SCUBE2: variants seen among roughly 807,000 people sequenced by gnomAD.
SCUBE2 encodes signal peptide, CUB domain and EGF like domain containing 2.
Under a neutral mutation model 125.9 loss-of-function variants are expected in SCUBE2, and 114 were observed. That is an observed-to-expected ratio of 0.91 (90% confidence interval 0.78 to 1.06). SCUBE2 has a LOEUF of 1.06. Among genes scored for constraint, SCUBE2 ranks in the 50% least tolerant of loss-of-function variants. The pLI is 0.00. For synonymous variants in SCUBE2, 459 were observed against 492.9 expected (o/e 0.93, Z 0.91); for missense variants, 1,255 against 1,301.8 (o/e 0.96, Z 0.55).
At chr11:9,048,956 T>C (rs1432088512) in intron 14 of SCUBE2, among the ~76,000 whole-genome samples, 1 of 152,218 alleles carries the variant, frequency 6.6e-6, no homozygotes, top group African/African-American at 2.4e-5. Flanking sequence ...TCTACATTTT[T>C]CCCCTAAAGA....
At chr11:9,079,811 T>G (rs1316953464) in intron 2 of SCUBE2, among the ~76,000 whole-genome samples, 1 of 152,162 alleles carries the variant, frequency 6.6e-6, no homozygotes, top group South Asian at 2.1e-4. Flanking sequence ...GTGAACTGAT[T>G]TGGAGTAATT....
In SCUBE2 at chr11:9,091,062, C is replaced by T. The variant is rs1032095631; in HGVS notation, c.133+334G>A. On this transcript the variant is annotated intron_variant, in intron 1 of 22. Coordinates refer to ENST00000649792, the MANE Select transcript of SCUBE2 (RefSeq NM_001367977.2). This position sits in a 1 kb window ranked among gnomAD's most constrained non-coding sequence, Gnocchi z 8.5. The stretch of plus-strand genomic sequence containing the variant: ...GCCCGGCCCTCAGTTTCCCCGCCTA[C>T]GCTGAGGCGCGGGACCCCAAGGCCA... 1.3e-5 allele frequency among the ~76,000 whole-genome samples: 2 copies of T among 152,294 alleles called. No homozygotes were observed. The highest frequency in any genetic ancestry group is 6.5e-5 in the Admixed American group (1 of 15,308).
Position 9,023,135 on chromosome 11 carries a change from C to T in SCUBE2, c.2855-1180G>A, listed in dbSNP as rs72856029. On this transcript the variant is annotated intron_variant, in intron 21 of 22. Transcript: ENST00000649792. ...AGGCATCATTCAAATTAAGCATATG[C>T]AAAGCACAATCTTTTCCAAATTCCA... Among the ~76,000 whole-genome samples the T allele has an allele frequency of 8.1e-3, 1,233 of 152,238 alleles. 7 individuals carry two copies. Among genetic ancestry groups the T allele is most frequent in the African/African-American group, 0.028 (1,175 of 41,530 alleles).
Position 9,043,463 on chromosome 11 carries a change from A to ATT in SCUBE2, c.2002+3891_2002+3892dup, listed in dbSNP as rs151177606. Among the ~76,000 whole-genome samples the ATT allele has an allele frequency of 5.7e-3, 832 of 146,910 alleles. 6 individuals are homozygous for ATT. The highest frequency in any genetic ancestry group is 9.8e-3 in the Admixed American group (144 of 14,646). On this transcript the variant is annotated intron_variant, in intron 16 of 22. Coordinates refer to ENST00000649792, the MANE Select transcript of SCUBE2 (RefSeq NM_001367977.2). ...AATTTGTTCCTTGGACCCTATAATC[A>ATT]TTTTTTTTTTTTGCCATCTTGTTAA...
At chr11:9,032,397 G>GT (rs1264629031) in intron 17 of SCUBE2, among the ~76,000 whole-genome samples, 1 of 152,074 alleles carries the variant, frequency 6.6e-6, no homozygotes, top group Non-Finnish European at 1.5e-5. Flanking sequence ...AAGTGCTAGG[G>GT]TTACAGGTAT....
At chr11:9,087,351 A>T (rs978438379) in intron 2 of SCUBE2, among the ~76,000 whole-genome samples, 14 of 152,212 alleles carry the variant, frequency 9.2e-5, no homozygotes, top group African/African-American at 3.1e-4. Context: ...TGAGTTATCC[A>T]CATAGTAAAG....
At chr11:9,039,895 C>T (rs1857058109) in intron 16 of SCUBE2, among the ~76,000 whole-genome samples, 1 of 152,312 alleles carries the variant, frequency 6.6e-6, no homozygotes, top group Admixed American at 6.5e-5. Flanking sequence ...CCTATATGAT[C>T]GTGTTTTTAA....
chr11:9,046,856 G>A (rs533309013), intron 16 of SCUBE2, among the ~76,000 whole-genome samples: 1 of 152,288 alleles, frequency 6.6e-6, no homozygotes, highest in African/African-American at 2.4e-5. Context: ...TGGGCCTAAG[G>A]CTGACAATTC....
rs139246054 is a variant in SCUBE2, at chr11:9,027,373, G to A, written c.2692C>T (p.Arg898Trp). The change falls in exon 20 of 23, where the codon CGG becomes TGG. Residue 898 changes from arginine (R) to tryptophan (W), a missense_variant. This residue lies in a region of SCUBE2 where 515 missense variants were observed against 515.7 expected (regional missense o/e 1.00). Coordinates refer to ENST00000649792, the MANE Select transcript of SCUBE2 (RefSeq NM_001367977.2). The part of the protein sequence containing the change: ...EDDCGDYLVM[R>W]KTSSSNSVTT... ...AGGGAGTGAGACGCACAGGTTTTCC[G>A]CATCACCAGATAGTCCCCACAGTCG... 2.4e-5 allele frequency: 39 copies of A among 1,613,782 alleles called. No individual in the cohort carries two copies. Among genetic ancestry groups the A allele is most frequent in the Non-Finnish European group, 2.9e-5 (34 of 1,179,958 alleles).
chr11:9,073,350 C>T (rs1035707386), intron 4 of SCUBE2, among the ~76,000 whole-genome samples: 3 of 152,280 alleles, frequency 2.0e-5, no homozygotes, highest in East Asian at 1.9e-4. Context: ...CCGCCCCAAA[C>T]GCTGAGAATG....
intron 7 of SCUBE2, among the ~76,000 whole-genome samples, chr11:9,061,571 G>GAAAAAAAAAAA (rs11301303): frequency 3.0e-5 from 3 of 101,122 alleles, no homozygotes; most frequent in Admixed American, 1.1e-4. Context: ...GAAAAGAAAA[G>GAAAAAAAAAAA]AAAAAAAAAA....
At chr11:9,043,505 T>C (rs1316594522) in intron 16 of SCUBE2, among the ~76,000 whole-genome samples, 1 of 151,926 alleles carries the variant, frequency 6.6e-6, no homozygotes, top group Non-Finnish European at 1.5e-5. Flanking sequence ...TCACAGATGG[T>C]ACAAAGGTCA....
intron 16 of SCUBE2, among the ~76,000 whole-genome samples, chr11:9,040,172 C>T (rs892740509): frequency 1.3e-5 from 2 of 152,190 alleles, no homozygotes; most frequent in Non-Finnish European, 2.9e-5. Flanking sequence ...CCTGGAACCT[C>T]GGAGAGTACC....
At chr11:9,031,623 G>A (rs1182447401) in intron 17 of SCUBE2, among the ~76,000 whole-genome samples, 1 of 150,284 alleles carries the variant, frequency 6.7e-6, no homozygotes, top group Non-Finnish European at 1.5e-5. Flanking sequence ...GAAAGACCTT[G>A]TCTCTAAAAA....
chr11:9,053,878 A>C (rs1307964923), intron 10 of SCUBE2, 119 bp from the exon 11 acceptor site: 2 of 1,278,456 alleles, frequency 1.6e-6, no homozygotes, highest in African/African-American at 2.9e-5. Flanking sequence ...AACCAAAGGA[A>C]GACACTGAAT....
intron 2 of SCUBE2, among the ~76,000 whole-genome samples, chr11:9,086,107 T>C (rs796985622): frequency 5.3e-5 from 8 of 152,328 alleles, no homozygotes; most frequent in African/African-American, 1.9e-4. Flanking sequence ...GTGCTAGGAT[T>C]ACAGGCGTGA....
chr11:9,066,275 G>C (rs921353478), intron 6 of SCUBE2, among the ~76,000 whole-genome samples: 1 of 152,202 alleles, frequency 6.6e-6, no homozygotes, highest in Admixed American at 6.5e-5. Flanking sequence ...AAAGAGCCTT[G>C]GGCCTGGAAA....
At chr11:9,069,627 G>A (rs901493579) in intron 4 of SCUBE2, 132 bp from the exon 5 acceptor site, 11 of 1,183,594 alleles carry the variant, frequency 9.3e-6, no homozygotes, top group African/African-American at 1.5e-5. Flanking sequence ...CATTTGAAAA[G>A]TATATGTCAT....
chr11:9,021,320 A>ATTGTT, intron 22 of SCUBE2, 123 bp from the exon 23 acceptor site: 1 of 698,034 alleles, frequency 1.4e-6, no homozygotes, highest in Non-Finnish European at 2.1e-6. Flanking sequence ...ACTTGCAAAA[A>ATTGTT]TTGTTTCCTC....
Sources: allele counts gnomAD v4.1 joint callset (sites outside exome capture counted in the v4.1 genomes callset), GRCh38; gene constraint gnomAD v4.1.1; regional missense constraint gnomAD v4.1.1; non-coding constraint Gnocchi (gnomAD v3.1); transcripts MANE v1.5; gene names NCBI Gene and HGNC (gene_info 2026-07-23, HGNC 2026-07-21).